Variants in TNFAIP8 observed in about 807,000 individuals in gnomAD.
TNFAIP8 encodes TNF alpha induced protein 8.
TNFAIP8 carries 7 observed loss-of-function variants against 13.3 expected under a neutral mutation model. The ratio of observed to expected loss-of-function variants is 0.52; its 90% CI spans 0.30 to 0.99. The LOEUF is 0.99. Among genes scored for constraint, TNFAIP8 ranks in the 50% least tolerant of loss-of-function variants. The pLI, the probability that TNFAIP8 is intolerant of heterozygous loss-of-function variation, is 0.07. For missense variants in TNFAIP8, 258 were observed against 236.9 expected (o/e 1.09, Z -0.58); for synonymous variants, 94 against 87.6 (o/e 1.07, Z -0.41).
rs1749028407 is a variant in TNFAIP8, at chr5:119,292,671, T to TATATATAC, written c.1+23771_1+23772insCATATATA. Among the ~76,000 whole-genome samples, 3 of 37,756 alleles carry TATATATAC rather than the reference T, an allele frequency of 7.9e-5. No homozygotes were observed. In the South Asian group the frequency reaches 2.6e-3, roughly 33 times the overall value. The allele number at this position is 37,756 out of a possible 152,430, so 24.8% of individuals were successfully genotyped here. A position where few individuals can be genotyped will look rare whatever the true frequency, so the allele number is the denominator to read the frequency against. On this transcript the variant is annotated intron_variant, in intron 1 of 1. Coordinates refer to the TNFAIP8 transcript ENST00000274456. ...ATATATATATATATATATATATATA[T>TATATATAC]ATATATATATATATACACACACACA...
intron 1 of TNFAIP8, among the ~76,000 whole-genome samples, chr5:119,364,193 T>C (rs917145764): frequency 2.0e-5 from 3 of 152,156 alleles, no homozygotes; most frequent in African/African-American, 7.2e-5. Flanking sequence ...TGCTAACCAT[T>C]CCCCATTCTG....
chr5:119,268,780 C>G (rs1748166517), exon 1 of TNFAIP8: 1 of 678,440 alleles, frequency 1.5e-6, no homozygotes, highest in African/African-American at 1.8e-5. Context: ...TTTCTCCCGC[C>G]GGCTCTAACC....
chr5:119,359,145 C>T (rs984553794), intron 1 of TNFAIP8, among the ~76,000 whole-genome samples: 2 of 152,150 alleles, frequency 1.3e-5, no homozygotes, highest in African/African-American at 2.4e-5. Context: ...CAGAATGCCC[C>T]GCCTTCCACC....
chr5:119,275,907 C>G (rs1748427771), intron 1 of TNFAIP8, among the ~76,000 whole-genome samples: 1 of 151,990 alleles, frequency 6.6e-6, no homozygotes, highest in Non-Finnish European at 1.5e-5. Flanking sequence ...CTGCCTTCCT[C>G]TGTAGTCAGC....
intron 1 of TNFAIP8, 108 bp from the exon 2 acceptor site, chr5:119,392,708 G>T: frequency 2.3e-6 from 3 of 1,276,654 alleles, no homozygotes; most frequent in Non-Finnish European, 3.1e-6. Flanking sequence ...AACCACAAAT[G>T]GTGGGAAAAT....
chr5:119,274,189 G>A (rs961025629), intron 1 of TNFAIP8, among the ~76,000 whole-genome samples: 1 of 151,518 alleles, frequency 6.6e-6, no homozygotes, highest in African/African-American at 2.4e-5. Context: ...ATGCAGACAC[G>A]AAAAAAAATG....
At chr5:119,317,855 C>G (rs1372353454) in intron 1 of TNFAIP8, among the ~76,000 whole-genome samples, 1 of 152,098 alleles carries the variant, frequency 6.6e-6, no homozygotes, top group Non-Finnish European at 1.5e-5. Flanking sequence ...GCCTTGGCTC[C>G]CAAAGTGCTG....
Position 119,394,791 on chromosome 5 carries a change from G to C in TNFAIP8, c.*1410G>C, listed in dbSNP as rs570571338. ...CCAGCTAATTTTTGTATTTTTAGTC[G>C]AGATGGGGTTTCACCATGTTGCCCA... On this transcript the variant is annotated 3_prime_UTR_variant, in exon 2 of 2. Transcript: ENST00000504771. 1.5e-4 allele frequency: 23 copies of C among 152,032 alleles called. No homozygotes were observed. The highest frequency in any genetic ancestry group is 5.6e-4 in the African/African-American group (23 of 41,412). The allele number at this position is 152,032 out of a possible 1,614,324, so 9.4% of individuals were successfully genotyped here.
At chr5:119,349,898 A>G (rs1276710458) in intron 1 of TNFAIP8, among the ~76,000 whole-genome samples, 1 of 152,214 alleles carries the variant, frequency 6.6e-6, no homozygotes, top group Non-Finnish European at 1.5e-5. Flanking sequence ...AGGGACTTGG[A>G]TTTTATAGGA....
chr5:119,308,229 C>T (rs1749624602), intron 1 of TNFAIP8, among the ~76,000 whole-genome samples: 1 of 152,120 alleles, frequency 6.6e-6, no homozygotes, highest in Non-Finnish European at 1.5e-5. Flanking sequence ...TTCCCTCTTT[C>T]CTGCAGGTTT....
chr5:119,307,156 C>G (rs1749591920), intron 1 of TNFAIP8, among the ~76,000 whole-genome samples: 1 of 152,166 alleles, frequency 6.6e-6, no homozygotes, highest in Admixed American at 6.5e-5. Flanking sequence ...GGAGAGAAAT[C>G]TACTTCATTC....
At chr5:119,279,073 G>A (rs1464033364) in intron 1 of TNFAIP8, among the ~76,000 whole-genome samples, 2 of 152,190 alleles carry the variant, frequency 1.3e-5, no homozygotes, top group African/African-American at 2.4e-5. Context: ...GGGTGGGCCA[G>A]CAGGCACTGT....
chr5:119,277,453 C>T lies in TNFAIP8; in HGVS notation c.1+8546C>T, dbSNP rs192049894. On this transcript the variant is annotated intron_variant, in intron 1 of 1. Transcript: ENST00000274456. The stretch of plus-strand genomic sequence containing the variant: ...AATAAAAATTTTTAATATTATAGCT[C>T]ACGTCTACTGGCCACAGATCCTCTC... Among the ~76,000 whole-genome samples, 10 of 151,924 alleles carry T rather than the reference C, an allele frequency of 6.6e-5. No individual in the cohort carries two copies. In the East Asian group the frequency reaches 1.2e-3, roughly 18 times the overall value.
intron 1 of TNFAIP8, among the ~76,000 whole-genome samples, chr5:119,378,980 T>G (rs1752384922): frequency 6.6e-6 from 1 of 152,144 alleles, no homozygotes; most frequent in Admixed American, 6.5e-5. Flanking sequence ...GGAGGATCTC[T>G]TGAGCCCAGG....
intron 1 of TNFAIP8, among the ~76,000 whole-genome samples, chr5:119,319,603 G>T (rs1749995531): frequency 6.6e-6 from 1 of 152,188 alleles, no homozygotes; most frequent in African/African-American, 2.4e-5. Flanking sequence ...ATAATTAAAT[G>T]AGTGCTTAAG....
intron 1 of TNFAIP8, among the ~76,000 whole-genome samples, chr5:119,301,218 C>A (rs908614852): frequency 5.3e-5 from 8 of 152,180 alleles, no homozygotes; most frequent in Admixed American, 5.2e-4. Flanking sequence ...GTTCAGAGCT[C>A]TTCATGTCTT....
rs1752303299 is a variant in TNFAIP8, at chr5:119,376,898, A to G, written c.32-15918A>G. Among the ~76,000 whole-genome samples, 2 of 152,134 alleles carry G rather than the reference A, an allele frequency of 1.3e-5. 1 individual carries two copies. Among genetic ancestry groups the G allele is most frequent in the South Asian group, 4.1e-4 (2 of 4,830 alleles). On this transcript the variant is annotated intron_variant, in intron 1 of 1. Coordinates refer to ENST00000504771, the MANE Select transcript of TNFAIP8 (RefSeq NM_014350.4). The stretch of plus-strand genomic sequence containing the variant: ...CTCTGCTCAAATGTCGCCTTTTCGG[A>G]AAGGCCTTCCCCAAGTACATCAAGT...
intron 1 of TNFAIP8, among the ~76,000 whole-genome samples, chr5:119,326,883 G>T (rs955417750): frequency 2.6e-5 from 4 of 152,188 alleles, no homozygotes; most frequent in African/African-American, 4.8e-5. Context: ...AAGAGAAGCT[G>T]TTTGGAAGTA....
At chr5:119,348,920 T>G (rs896898576) in intron 1 of TNFAIP8, among the ~76,000 whole-genome samples, 1 of 143,852 alleles carries the variant, frequency 7.0e-6, no homozygotes, top group African/African-American at 2.5e-5. Flanking sequence ...ATAGACAACA[T>G]CTAAGGTTTC....
Sources: gnomAD v4.1 joint callset for allele counts (sites outside exome capture counted in the v4.1 genomes callset) on GRCh38, gnomAD v4.1.1 for gene constraint, MANE v1.5 for transcripts, NCBI Gene and HGNC (gene_info 2026-07-23, HGNC 2026-07-21) for gene names.